DHX30: variants seen among roughly 807,000 people sequenced by gnomAD.
The protein encoded by DHX30 is DExH-box helicase 30.
A neutral mutation model predicts 116.9 loss-of-function variants in DHX30; 4 were observed. The ratio of observed to expected loss-of-function variants is 0.03; its 90% CI spans 0.02 to 0.08. The LOEUF (loss-of-function observed/expected upper bound fraction) is 0.08. Ranked by LOEUF, DHX30 falls within the 10% of genes least tolerant of loss-of-function variation. DHX30 has a pLI of 1.00. For missense variants in DHX30, 871 were observed against 1,595.1 expected, an observed-to-expected ratio of 0.55 and a Z score of 7.73; for synonymous variants, 697 against 651.7, an observed-to-expected ratio of 1.07 and a Z score of -1.06.
chr3:47,841,674 T>C lies in DHX30; in HGVS notation c.726T>C (p.Phe242=). ...DDSAIRALTQ[F]PLPKNLLAKV... is the part of the protein sequence containing the mutation. ...GTGCCATTAGGGCTCTGACCCAGTT[T>C]CCACTTCCCAAGAACCTTCTGGCCA... The change falls in exon 8 of 22, where the codon TTT becomes TTC. Residue 242 remains phenylalanine, a synonymous_variant. Coordinates refer to ENST00000445061, the MANE Select transcript of DHX30 (RefSeq NM_138615.3). 1 of 1,614,242 alleles carries C rather than the reference T, an allele frequency of 6.2e-7. No homozygotes were observed.
intron 3 of DHX30, chr3:47,816,329 T>C: frequency 1.0e-6 from 1 of 984,130 alleles, no homozygotes; most frequent in Non-Finnish European, 1.2e-6. Context: ...GGTGATGTGA[T>C]GCTGCAAATG....
At chr3:47,815,814 A>G (rs1303294589) in intron 3 of DHX30, 12 of 519,256 alleles carry the variant, frequency 2.3e-5, no homozygotes, top group Non-Finnish European at 2.7e-5. Flanking sequence ...AATAGCAAGA[A>G]TGTGCATTTT....
chr3:47,814,151 G>A (rs544346289), intron 3 of DHX30, among the ~76,000 whole-genome samples: 6 of 151,736 alleles, frequency 4.0e-5, no homozygotes, highest in Admixed American at 1.3e-4. Context: ...TCAGCTGAGC[G>A]CGGTGGCTCA....
At chr3:47,826,452 T>C (rs1430670099) in intron 4 of DHX30, among the ~76,000 whole-genome samples, 1 of 151,006 alleles carries the variant, frequency 6.6e-6, no homozygotes, top group Admixed American at 6.6e-5. Context: ...TTCTTTTTTT[T>C]TTTTTTTTTT....
intron 4 of DHX30, chr3:47,825,063 G>A (rs2036485274): frequency 1.5e-6 from 1 of 665,614 alleles, no homozygotes. Context: ...GGAGACTCAT[G>A]GCGCTGGCCG....
intron 9 of DHX30, among the ~76,000 whole-genome samples, chr3:47,843,792 A>G (rs577544929): frequency 2.0e-5 from 3 of 152,102 alleles, no homozygotes; most frequent in African/African-American, 7.2e-5. Flanking sequence ...TCGATCTCCT[A>G]GGCTTAAGCG....
chr3:47,841,050 C>T lies in DHX30; in HGVS notation c.540C>T (p.Gly180=), dbSNP rs752798236. 1.5e-5 allele frequency: 25 copies of T among 1,614,056 alleles called. No homozygotes were observed. Among genetic ancestry groups the T allele is most frequent in the Admixed American group, 5.0e-5 (3 of 60,006 alleles). The change falls in exon 7 of 22, where the codon GGC becomes GGT. Residue 180 remains glycine (G), a synonymous_variant. Transcript: ENST00000445061. ...PESIRPGGPG[G]LSRSLGREEE... ...GTATTCGACCAGGGGGACCTGGGGG[C>T]CTATCCCGCTCTTTAGGCCGGGAAG... is the stretch of plus-strand genomic sequence containing the variant.
At chr3:47,818,763 CT>C (rs1427426594) in intron 4 of DHX30, among the ~76,000 whole-genome samples, 1 of 152,168 alleles carries the variant, frequency 6.6e-6, no homozygotes, top group African/African-American at 2.4e-5. Flanking sequence ...AGCGCCTCCT[CT>C]TCTCCCTCAG....
Position 47,849,238 on chromosome 3 carries a change from G to A in DHX30, c.2976G>A (p.Val992=). The A allele has an allele frequency of 1.2e-6, 2 of 1,614,118 alleles. No homozygotes were observed. The highest frequency in any genetic ancestry group is 1.7e-5 in the Admixed American group (1 of 60,020). ...AGAACATTTATGAGGCCTTCCTGGT[G>A]GGGAAGCCCTCGGACTGCACCCTGG... ...FSENIYEAFL[V]GKPSDCTLAS... The change falls in exon 19 of 22, where the codon GTG becomes GTA. Residue 992 remains valine, a synonymous_variant. Transcript: ENST00000445061.
chr3:47,827,269 G>C, intron 4 of DHX30, 78 bp from the exon 5 acceptor site: 4 of 1,447,250 alleles, frequency 2.8e-6, no homozygotes, highest in Non-Finnish European at 3.7e-6. Context: ...ATCCAGCCCA[G>C]GGTTGCCCTG....
rs759329425 is a variant in DHX30, at chr3:47,841,740, G to A, written c.789+3G>A. ...CAACGTCATCCTCCACAGCTAAGGT[G>A]AGTTGGGTCTCCTAGAAGTTTGTGT... On this transcript the variant is annotated splice_donor_region_variant and intron_variant, in intron 8 of 21. Transcript: ENST00000445061. The A allele has an allele frequency of 6.2e-7, 1 of 1,614,226 alleles. No homozygotes were observed. The highest frequency in any genetic ancestry group is 1.7e-5 in the Admixed American group (1 of 60,028).
At position 47,849,078 on chromosome 3, in the gene DHX30, C is replaced by T. The variant is rs574753395; in HGVS notation, c.2928C>T (p.His976=). ...LLYAPSLRFI[H]GLIKQFSENI... Reference sequence around the variant, plus strand: ...ACGCACCCAGCCTGCGCTTCATCCACGGTCAGTCGGGCCCACACCTGCTCT... The same window carrying T: ...ACGCACCCAGCCTGCGCTTCATCCATGGTCAGTCGGGCCCACACCTGCTCT... Residue 976 remains histidine, a splice_region_variant and synonymous_variant, in exon 18 of 22, where the codon CAC becomes CAT. Coordinates refer to ENST00000445061, the MANE Select transcript of DHX30 (RefSeq NM_138615.3). 2.4e-5 allele frequency: 39 copies of T among 1,609,266 alleles called. No individual in the cohort carries two copies. Among genetic ancestry groups the T allele is most frequent in the South Asian group, 1.1e-4 (10 of 90,762 alleles).
intron 2 of DHX30, among the ~76,000 whole-genome samples, chr3:47,806,450 TC>T (rs1313455437): frequency 7.0e-6 from 1 of 142,234 alleles, no homozygotes; most frequent in African/African-American, 2.6e-5. Flanking sequence ...CCAATTTTTT[TC>T]TTTTTTTTTT....
chr3:47,824,163 C>T (rs888697283), intron 4 of DHX30, among the ~76,000 whole-genome samples: 1 of 151,792 alleles, frequency 6.6e-6, no homozygotes, highest in African/African-American at 2.4e-5. Context: ...ACACTATGCC[C>T]GGCTAATTTT....
At chr3:47,838,586 T>A (rs1240577193) in intron 6 of DHX30, among the ~76,000 whole-genome samples, 1 of 152,226 alleles carries the variant, frequency 6.6e-6, no homozygotes, top group Non-Finnish European at 1.5e-5. Context: ...ATGGTCACTC[T>A]CCAGCTTGTC....
chr3:47,841,780 T>G (rs1559715683), intron 8 of DHX30, 43 bp downstream of exon 8: 1 of 1,613,804 alleles, frequency 6.2e-7, no homozygotes, highest in Admixed American at 1.7e-5. Context: ...GCCGTTTACT[T>G]GGTCATGTCT....
chr3:47,820,756 G>A (rs375638286), intron 4 of DHX30, among the ~76,000 whole-genome samples: 4 of 152,122 alleles, frequency 2.6e-5, no homozygotes, highest in African/African-American at 9.7e-5. Context: ...ATCCAGAAGT[G>A]GATAGAGAGA....
At chr3:47,810,732 G>A (rs1425514017) in intron 3 of DHX30, 21 bp downstream of exon 3, 1 of 1,613,140 alleles carries the variant, frequency 6.2e-7, no homozygotes, top group Non-Finnish European at 8.5e-7. Flanking sequence ...AACTGTGCTT[G>A]TGACCTCATG....
intron 6 of DHX30, among the ~76,000 whole-genome samples, chr3:47,830,467 A>G (rs1344854695): frequency 6.6e-6 from 1 of 151,536 alleles, no homozygotes; most frequent in Non-Finnish European, 1.5e-5. Flanking sequence ...ATAATAATAA[A>G]TTTTTTCATT....
Sources: allele counts gnomAD v4.1 joint callset (sites outside exome capture counted in the v4.1 genomes callset), GRCh38; gene constraint gnomAD v4.1.1; transcripts MANE v1.5; gene names NCBI Gene and HGNC (gene_info 2026-07-23, HGNC 2026-07-21).